Variants in FRMD6 observed in about 807,000 individuals in gnomAD.
The protein encoded by FRMD6 is FERM domain-containing protein 6.
Under a neutral mutation model 73.2 loss-of-function variants are expected in FRMD6, and 37 were observed. The ratio of observed to expected loss-of-function variants is 0.51; its 90% CI spans 0.39 to 0.66. The LOEUF (loss-of-function observed/expected upper bound fraction) is 0.66, where lower values mean the gene tolerates loss of function less well. Ranked by LOEUF, FRMD6 falls within the 30% of genes least tolerant of loss-of-function variation. The probability of loss-of-function intolerance (pLI) is 0.00; values close to 1 mark genes in which losing one functional copy is unlikely to be tolerated. For synonymous variants in FRMD6, 273 were observed against 282.2 expected, an observed-to-expected ratio of 0.97 and a Z score of 0.33; for missense variants, 714 against 780.5, an observed-to-expected ratio of 0.91 and a Z score of 1.02.
At chr14:51,629,059 G>A (rs1279269142) in intron 2 of FRMD6, among the ~76,000 whole-genome samples, 1 of 151,678 alleles carries the variant, frequency 6.6e-6, no homozygotes, top group Non-Finnish European at 1.5e-5. Flanking sequence ...TGTATTTTTA[G>A]TAGAGACGGG....
chr14:51,679,555 CTTTTTTT>C (rs61250963), intron 1 of FRMD6, among the ~76,000 whole-genome samples: 6 of 120,588 alleles, frequency 5.0e-5, no homozygotes, highest in East Asian at 2.5e-4. Flanking sequence ...CATTTGTTTT[CTTTTTTT>C]TTTTTTTTTT....
chr14:51,619,790 A>T (rs1890856717), intron 2 of FRMD6, among the ~76,000 whole-genome samples: 1 of 152,204 alleles, frequency 6.6e-6, no homozygotes, highest in Non-Finnish European at 1.5e-5. Flanking sequence ...ATATCTCAAC[A>T]GCTGGATTCC....
chr14:51,437,584 G>A, the FRMD6 span, among the ~76,000 whole-genome samples: 3 of 152,182 alleles, frequency 2.0e-5, no homozygotes, highest in African/African-American at 7.2e-5. Context: ...TTACAGGCGT[G>A]AGCCACCGCT....
At chr14:51,471,228 G>C in the FRMD6 span, among the ~76,000 whole-genome samples, 1 of 152,014 alleles carries the variant, frequency 6.6e-6, no homozygotes. Context: ...GGTGGCTCAC[G>C]CTTATAATCC....
chr14:51,568,763 G>A (rs1463373497), intron 1 of FRMD6, among the ~76,000 whole-genome samples: 1 of 152,032 alleles, frequency 6.6e-6, no homozygotes, highest in Middle Eastern at 3.2e-3. Context: ...GCTCTGGTAT[G>A]AATTGATTGC....
intron 7 of FRMD6, among the ~76,000 whole-genome samples, chr14:51,711,154 A>G (rs947627644): frequency 2.0e-5 from 3 of 147,648 alleles, no homozygotes. Flanking sequence ...AGAAAAGAGT[A>G]ATTATGAGAT....
In FRMD6 at chr14:51,689,944, A is replaced by T. The variant is rs1895426513; in HGVS notation, c.99+9A>T. The T allele has an allele frequency of 6.5e-7, 1 of 1,546,028 alleles. No individual in the cohort carries two copies. Among genetic ancestry groups the T allele is most frequent in the East Asian group, 2.2e-5 (1 of 44,538 alleles). ...TGAACATCATCATAAATGTGAGTAG[A>T]TCCAGTTTTAGAAATGTCTAAATAT... is the stretch of plus-strand genomic sequence containing the variant. On this transcript the variant is annotated intron_variant, in intron 2 of 13. Coordinates refer to ENST00000344768, the MANE Select transcript of FRMD6 (RefSeq NM_001267046.2).
chr14:51,684,117 G>A lies in FRMD6; in HGVS notation c.-146-5574G>A, dbSNP rs148894121. ...CTTAAGTGAGAAAAGTAAATCTGTG[G>A]CTCCTAAATGTTTTGTTTTGTTTTT... On this transcript the variant is annotated intron_variant, in intron 1 of 13. Transcript: ENST00000344768. 4.1e-4 allele frequency among the ~76,000 whole-genome samples: 62 copies of A among 151,606 alleles called. No individual in the cohort carries two copies. In the East Asian group the frequency reaches 8.9e-3, roughly 22 times the overall value.
chr14:51,479,803 A>C, the FRMD6 span, among the ~76,000 whole-genome samples: 1 of 152,160 alleles, frequency 6.6e-6, no homozygotes, highest in African/African-American at 2.4e-5. Context: ...TGGATACCTG[A>C]GTGATTGGGA....
chr14:51,639,670 C>T (rs940077080), intron 2 of FRMD6, among the ~76,000 whole-genome samples: 3 of 152,108 alleles, frequency 2.0e-5, no homozygotes, highest in Non-Finnish European at 2.9e-5. Flanking sequence ...ATTTCAAATG[C>T]GTTGCATTCC....
At chr14:51,585,937 G>GTATATA (rs1326327173) in intron 2 of FRMD6, among the ~76,000 whole-genome samples, 1 of 11,152 alleles carries the variant, frequency 9.0e-5, no homozygotes, top group African/African-American at 2.2e-4. Context: ...GTGTGTGTGT[G>GTATATA]TGTATATATA....
At chr14:51,524,170 A>C (rs189270954) in intron 1 of FRMD6, among the ~76,000 whole-genome samples, 122 of 152,268 alleles carry the variant, frequency 8.0e-4, no homozygotes, top group African/African-American at 2.7e-3. Context: ...CAGCCTTTCT[A>C]AGTTCAAATC....
intron 1 of FRMD6, among the ~76,000 whole-genome samples, chr14:51,659,534 G>A (rs1893064081): frequency 1.3e-5 from 2 of 152,130 alleles, no homozygotes; most frequent in Non-Finnish European, 2.9e-5. Flanking sequence ...CTGGCCTGTT[G>A]CACTGATTAC....
chr14:51,436,402 T>A, the FRMD6 span: 3 of 466,270 alleles, frequency 6.4e-6, no homozygotes, highest in Non-Finnish European at 1.2e-5. Flanking sequence ...TTGACCAGAG[T>A]CGAAGTGATG....
chr14:51,532,517 G>C (rs571743920), intron 1 of FRMD6, among the ~76,000 whole-genome samples: 1 of 152,184 alleles, frequency 6.6e-6, no homozygotes, highest in East Asian at 1.9e-4. Flanking sequence ...CCCACCCCAG[G>C]GTCCATGATA....
At chr14:51,521,247 G>A (rs1284249224) in intron 1 of FRMD6, among the ~76,000 whole-genome samples, 4 of 152,156 alleles carry the variant, frequency 2.6e-5, no homozygotes, top group Non-Finnish European at 4.4e-5. Context: ...TTCAATGTAA[G>A]TTGTAGTTCT....
the FRMD6 span, among the ~76,000 whole-genome samples, chr14:51,443,096 C>T: frequency 1.3e-5 from 2 of 152,212 alleles, no homozygotes; most frequent in Admixed American, 1.3e-4. Context: ...CATCCATAGG[C>T]TTCTCCCCCT....
At chr14:51,587,583 G>T (rs560309279) in intron 2 of FRMD6, among the ~76,000 whole-genome samples, 5 of 152,254 alleles carry the variant, frequency 3.3e-5, no homozygotes, top group Admixed American at 3.3e-4. Context: ...GTGTGTGCTT[G>T]ATATCTGCTG....
At chr14:51,443,637 T>G in the FRMD6 span, among the ~76,000 whole-genome samples, 2 of 152,178 alleles carry the variant, frequency 1.3e-5, no homozygotes, top group African/African-American at 4.8e-5. Context: ...GAGTTGGTCT[T>G]TCCCATGCGG....
Sources: allele counts gnomAD v4.1 joint callset (sites outside exome capture counted in the v4.1 genomes callset), GRCh38; gene constraint gnomAD v4.1.1; transcripts MANE v1.5; gene names NCBI Gene and HGNC (gene_info 2026-07-23, HGNC 2026-07-21).